SMARCAL1: variants seen among roughly 807,000 people sequenced by gnomAD.
The protein encoded by SMARCAL1 is ATP-driven annealing helicase.
In SMARCAL1, 58 loss-of-function variants were observed where a neutral mutation model predicts 94.5. That is an observed-to-expected ratio of 0.61 (90% CI 0.50 to 0.76). The LOEUF is 0.76. Among genes scored for constraint, SMARCAL1 ranks in the 30% least tolerant of loss-of-function variants. SMARCAL1 has a pLI of 0.00. For missense variants in SMARCAL1, 1,051 were observed against 1,177.9 expected (o/e 0.89, Z 1.58); for synonymous variants, 422 against 455.1 (o/e 0.93, Z 0.93).
chr2:216,446,550 G>A, intron 10 of SMARCAL1: 1 of 388,458 alleles, frequency 2.6e-6, no homozygotes, highest in Non-Finnish European at 5.2e-6. Flanking sequence ...CCACTCTGGA[G>A]GAAGTTCAGA....
At chr2:216,432,462 C>T (rs1693984688) in intron 7 of SMARCAL1, among the ~76,000 whole-genome samples, 1 of 152,232 alleles carries the variant, frequency 6.6e-6, no homozygotes, top group Non-Finnish European at 1.5e-5. Context: ...ACGACCTAAT[C>T]ATCTTCCAGA....
intron 10 of SMARCAL1, among the ~76,000 whole-genome samples, chr2:216,441,905 T>A (rs947106535): frequency 2.0e-5 from 3 of 152,192 alleles, no homozygotes; most frequent in African/African-American, 7.2e-5. Flanking sequence ...TACACTGGCT[T>A]TTATTGTTAA....
chr2:216,460,395 A>T (rs1187228037), intron 12 of SMARCAL1, among the ~76,000 whole-genome samples: 1 of 152,196 alleles, frequency 6.6e-6, no homozygotes, highest in East Asian at 1.9e-4. Flanking sequence ...ATGTATGTTT[A>T]TTGCAGCACT....
At chr2:216,438,556 G>A (rs909250999) in intron 10 of SMARCAL1, 71 bp downstream of exon 10, 11 of 1,341,406 alleles carry the variant, frequency 8.2e-6, no homozygotes, top group South Asian at 4.8e-5. Context: ...CTTGCATGTC[G>A]TCCTAGTCCA....
intron 11 of SMARCAL1, among the ~76,000 whole-genome samples, chr2:216,448,872 T>C (rs1470068714): frequency 6.6e-6 from 1 of 152,138 alleles, no homozygotes; most frequent in Non-Finnish European, 1.5e-5. Context: ...CTTGGTATTT[T>C]GGTGTTACTA....
At chr2:216,451,993 G>A (rs1694460893) in intron 12 of SMARCAL1, among the ~76,000 whole-genome samples, 1 of 152,162 alleles carries the variant, frequency 6.6e-6, no homozygotes, top group Non-Finnish European at 1.5e-5. Context: ...TGTTTTTCAT[G>A]TTATTTTACC....
At chr2:216,470,490 TC>T (rs1032518083) in intron 14 of SMARCAL1, among the ~76,000 whole-genome samples, 2 of 143,720 alleles carry the variant, frequency 1.4e-5, no homozygotes, top group Admixed American at 6.7e-5. Context: ...TCCAACTAGA[TC>T]TTTTTTTTTT....
chr2:216,472,268 T>C lies in SMARCAL1; in HGVS notation c.2245-3001T>C, dbSNP rs1694984969. Among the ~76,000 whole-genome samples the C allele has an allele frequency of 2.0e-5, 3 of 152,120 alleles. No individual in the cohort carries two copies. In the South Asian group the frequency reaches 6.2e-4, roughly 32 times the overall value. The stretch of plus-strand genomic sequence containing the variant: ...TAGTCAGGAGGCTGAGACACGAGAA[T>C]TGCTTGAACCTGGGAAGCAGCGGCT... On this transcript the variant is annotated intron_variant, in intron 14 of 17. Transcript: ENST00000357276.
intron 7 of SMARCAL1, among the ~76,000 whole-genome samples, chr2:216,429,058 A>G (rs1327189071): frequency 6.6e-6 from 1 of 152,226 alleles, no homozygotes; most frequent in Non-Finnish European, 1.5e-5. Context: ...CAGTGCCTGT[A>G]AGAGAAAATC....
At chr2:216,457,277 C>A (rs1195481099) in intron 12 of SMARCAL1, among the ~76,000 whole-genome samples, 1 of 152,138 alleles carries the variant, frequency 6.6e-6, no homozygotes, top group East Asian at 1.9e-4. Context: ...TTAGACAGAT[C>A]AACGAGACAG....
chr2:216,465,011 G>A (rs1381647125), intron 13 of SMARCAL1, among the ~76,000 whole-genome samples: 1 of 152,180 alleles, frequency 6.6e-6, no homozygotes, highest in Non-Finnish European at 1.5e-5. Flanking sequence ...GCTGGGCATG[G>A]TGGCATGCAC....
chr2:216,474,399 C>T (rs1312374424), intron 14 of SMARCAL1, among the ~76,000 whole-genome samples: 1 of 146,012 alleles, frequency 6.8e-6, no homozygotes, highest in African/African-American at 2.5e-5. Flanking sequence ...CTTGGCCTCC[C>T]AGAGTGTTGG....
At chr2:216,460,520 GTTCATGTCC>G (rs1694671790) in intron 12 of SMARCAL1, among the ~76,000 whole-genome samples, 9 of 152,062 alleles carry the variant, frequency 5.9e-5, no homozygotes, top group Admixed American at 5.9e-4. Context: ...GAAATGATGA[GTTCATGTCC>G]TTTGTAGGGA....
At chr2:216,447,245 T>TC in intron 11 of SMARCAL1, 87 bp downstream of exon 11, 1 of 1,474,806 alleles carries the variant, frequency 6.8e-7, no homozygotes, top group Non-Finnish European at 9.4e-7. Flanking sequence ...CTGGCCATGA[T>TC]ATGGTCAGAA....
At chr2:216,428,854 T>C in intron 7 of SMARCAL1, 72 bp downstream of exon 7, 1 of 1,367,216 alleles carries the variant, frequency 7.3e-7, no homozygotes. Context: ...TGCATTCAGA[T>C]GCTTCCTGTT....
chr2:216,458,108 C>T (rs1478866993), intron 12 of SMARCAL1, among the ~76,000 whole-genome samples: 8 of 152,206 alleles, frequency 5.3e-5, no homozygotes, highest in Non-Finnish European at 8.8e-5. Flanking sequence ...TTCCTTGACA[C>T]ATACACTCTC....
At chr2:216,477,946 T>C (rs1344017840) in intron 16 of SMARCAL1, among the ~76,000 whole-genome samples, 1 of 152,182 alleles carries the variant, frequency 6.6e-6, no homozygotes, top group East Asian at 1.9e-4. Flanking sequence ...TGTGTTGAAA[T>C]GAGGCAGCAT....
rs971767180 is a variant in SMARCAL1, at chr2:216,482,956, C to T, written c.2844C>T (p.Asp948=). 7 of 1,613,960 alleles carry T rather than the reference C, an allele frequency of 4.3e-6. No individual in the cohort carries two copies. The highest frequency in any genetic ancestry group is 5.9e-6 in the Non-Finnish European group (7 of 1,179,992). Residue 948 remains aspartate, a synonymous_variant, in exon 18 of 18, where the codon GAC becomes GAT. Coordinates refer to ENST00000357276, the MANE Select transcript of SMARCAL1 (RefSeq NM_014140.4). The surrounding 1 kb of genome is among the most constrained non-coding windows in gnomAD (Gnocchi z 4.3). ...GATTTGAATTTTTTGATAACTGGGA[C>T]AGCTTTACGTCTCCCCTGTAAAAGG... ...KRRFEFFDNW[D]SFTSPL is the part of the protein sequence containing the mutation.
At chr2:216,461,899 T>A (rs1266729486) in intron 12 of SMARCAL1, among the ~76,000 whole-genome samples, 1 of 152,176 alleles carries the variant, frequency 6.6e-6, no homozygotes, top group African/African-American at 2.4e-5. Flanking sequence ...ATAATTTTGC[T>A]AATCGTTTTG....
Sources: allele counts gnomAD v4.1 joint callset (sites outside exome capture counted in the v4.1 genomes callset), GRCh38; gene constraint gnomAD v4.1.1; non-coding constraint Gnocchi (gnomAD v3.1); transcripts MANE v1.5; gene names NCBI Gene and HGNC (gene_info 2026-07-23, HGNC 2026-07-21).